PTPRG: variants seen among roughly 807,000 people sequenced by gnomAD.
PTPRG encodes the protein receptor-type tyrosine-protein phosphatase gamma.
PTPRG carries 102 observed loss-of-function variants against 165.3 expected under a neutral mutation model. The observed-to-expected ratio is 0.62, with a 90% confidence interval of 0.53 to 0.73. PTPRG has a LOEUF of 0.73. PTPRG is among the 30% of genes least tolerant of loss of function. The probability of loss-of-function intolerance (pLI) is 0.00; values close to 1 mark genes in which losing one functional copy is unlikely to be tolerated. For synonymous variants in PTPRG, 675 were observed against 669.5 expected, an observed-to-expected ratio of 1.01 and a Z score of -0.13; for missense variants, 1,866 against 1,861.4, an observed-to-expected ratio of 1.00 and a Z score of -0.05.
intron 2 of PTPRG, among the ~76,000 whole-genome samples, chr3:61,923,240 C>T (rs527657346): frequency 6.6e-6 from 1 of 152,236 alleles, no homozygotes; most frequent in East Asian, 1.9e-4. Flanking sequence ...TTATTTTGCA[C>T]GTGTGTCAGT....
intron 2 of PTPRG, among the ~76,000 whole-genome samples, chr3:61,840,078 A>C (rs62243194): frequency 0.012 from 1,822 of 152,318 alleles, 17 homozygotes; most frequent in South Asian, 0.029. Flanking sequence ...ATGCACATAT[A>C]TATTTAGATG....
chr3:61,935,166 C>T (rs1479194538), intron 2 of PTPRG, among the ~76,000 whole-genome samples: 1 of 152,160 alleles, frequency 6.6e-6, no homozygotes, highest in Non-Finnish European at 1.5e-5. Flanking sequence ...TTCCCTTTAA[C>T]TGTTGTGCAT....
At chr3:61,921,884 C>T (rs1011483486) in intron 2 of PTPRG, among the ~76,000 whole-genome samples, 1 of 152,136 alleles carries the variant, frequency 6.6e-6, no homozygotes, top group Non-Finnish European at 1.5e-5. Context: ...GCATATTGAG[C>T]TTTATTAAAC....
At chr3:61,846,842 G>C (rs2107350419) in intron 2 of PTPRG, among the ~76,000 whole-genome samples, 1 of 152,282 alleles carries the variant, frequency 6.6e-6, no homozygotes, top group Non-Finnish European at 1.5e-5. Flanking sequence ...TTGAGTCCAG[G>C]AGGTGGAGGT....
intron 17 of PTPRG, 66 bp from the exon 18 acceptor site, chr3:62,267,344 C>T (rs1701911945): frequency 6.5e-6 from 8 of 1,237,146 alleles, no homozygotes; most frequent in Non-Finnish European, 9.3e-6. Flanking sequence ...TTGTGTTGTG[C>T]TTTAGAATGG....
chr3:62,027,527 G>A (rs1030475700), intron 4 of PTPRG, among the ~76,000 whole-genome samples: 1 of 152,178 alleles, frequency 6.6e-6, no homozygotes, highest in African/African-American at 2.4e-5. Flanking sequence ...CTGAAAGCAA[G>A]TGTCTGCTTA....
chr3:61,999,763 T>C (rs2041126533), intron 3 of PTPRG, among the ~76,000 whole-genome samples: 2 of 152,204 alleles, frequency 1.3e-5, no homozygotes, highest in African/African-American at 4.8e-5. Flanking sequence ...GCTAGAAATA[T>C]GTCCATAATC....
At chr3:61,944,547 A>G (rs1316015972) in intron 2 of PTPRG, among the ~76,000 whole-genome samples, 5 of 152,146 alleles carry the variant, frequency 3.3e-5, no homozygotes, top group Non-Finnish European at 7.3e-5. Context: ...TGACTTTATC[A>G]CAGTCTGAAA....
rs78219514 is a variant in PTPRG at position 61,569,969 on chromosome 3, C to T, written c.85+7597C>T. ...CTTAAAATGTGTCTCATAAGTCTTC[C>T]AAATCCCTGTGTAGAAAGAGTCGCC... On this transcript the variant is annotated intron_variant, in intron 1 of 29. Transcript: ENST00000474889. Among the ~76,000 whole-genome samples the T allele has an allele frequency of 4.6e-3, 700 of 152,278 alleles. 5 individuals carry two copies. The highest frequency in any genetic ancestry group is 0.016 in the African/African-American group (648 of 41,566).
intron 5 of PTPRG, among the ~76,000 whole-genome samples, chr3:62,093,282 C>G (rs13058854): frequency 0.048 from 7,231 of 151,812 alleles, 239 homozygotes; most frequent in Non-Finnish European, 0.064. Flanking sequence ...ACTCTGGGGA[C>G]TCTAGTTTTC....
At chr3:61,925,757 A>G (rs2039192899) in intron 2 of PTPRG, 2 of 373,104 alleles carry the variant, frequency 5.4e-6, no homozygotes, top group African/African-American at 4.3e-5. Flanking sequence ...AAAAAAAAAA[A>G]TCATCATTGG....
chr3:61,580,657 T>C (rs1206634106), intron 1 of PTPRG, among the ~76,000 whole-genome samples: 1 of 152,148 alleles, frequency 6.6e-6, no homozygotes, highest in Non-Finnish European at 1.5e-5. Context: ...GTTGATAAAA[T>C]ACTATAATGT....
chr3:61,837,660 A>G (rs73839745), intron 2 of PTPRG, among the ~76,000 whole-genome samples: 2,457 of 152,284 alleles, frequency 0.016, 60 homozygotes, highest in African/African-American at 0.055. Context: ...ACACGTACAC[A>G]TGTACCATAT....
chr3:61,843,384 A>G (rs2036708835), intron 2 of PTPRG, among the ~76,000 whole-genome samples: 1 of 152,210 alleles, frequency 6.6e-6, no homozygotes, highest in Non-Finnish European at 1.5e-5. Context: ...ACATACATAC[A>G]CACGGATCAT....
intron 1 of PTPRG, among the ~76,000 whole-genome samples, chr3:61,657,158 C>T (rs554754382): frequency 2.6e-5 from 4 of 152,060 alleles, no homozygotes; most frequent in South Asian, 4.2e-4. Flanking sequence ...TATTGTCTAC[C>T]GGTAATAAAC....
chr3:61,747,755 T>G (rs1051275218), intron 1 of PTPRG, among the ~76,000 whole-genome samples: 2 of 152,230 alleles, frequency 1.3e-5, no homozygotes, highest in Non-Finnish European at 2.9e-5. Context: ...ATCTTTGTCT[T>G]CAATTGAATA....
intron 2 of PTPRG, among the ~76,000 whole-genome samples, chr3:61,911,280 C>T (rs1352148323): frequency 6.6e-6 from 1 of 152,142 alleles, no homozygotes; most frequent in African/African-American, 2.4e-5. Context: ...GCCTTTGTTT[C>T]TCCTTACTGT....
chr3:62,082,532 C>T (rs771929707), intron 5 of PTPRG, among the ~76,000 whole-genome samples: 7 of 152,274 alleles, frequency 4.6e-5, no homozygotes, highest in East Asian at 1.9e-4. Context: ...TAGCAGTAAT[C>T]GAGATGTGTC....
intron 2 of PTPRG, among the ~76,000 whole-genome samples, chr3:61,875,233 T>C (rs1289276286): frequency 6.6e-6 from 1 of 152,114 alleles, no homozygotes; most frequent in Admixed American, 6.5e-5. Context: ...GCTTCAGCCT[T>C]CTTTTAGGCC....
Sources: allele counts gnomAD v4.1 joint callset (sites outside exome capture counted in the v4.1 genomes callset), GRCh38; gene constraint gnomAD v4.1.1; transcripts MANE v1.5; gene names NCBI Gene and HGNC (gene_info 2026-07-23, HGNC 2026-07-21).